XIAP: variants seen among roughly 807,000 people sequenced by gnomAD.
XIAP encodes X-linked inhibitor of apoptosis.
A neutral mutation model predicts 33.1 loss-of-function variants in XIAP; 3 were observed. The observed-to-expected ratio is 0.09, with a 90% CI of 0.04 to 0.23. XIAP has a LOEUF of 0.23. Ranked by LOEUF, XIAP falls within the 10% of genes least tolerant of loss-of-function variation. The pLI is 1.00. For missense variants in XIAP, 264 were observed against 363.0 expected, an observed-to-expected ratio of 0.73 and a Z score of 2.22; for synonymous variants, 98 against 121.3, an observed-to-expected ratio of 0.81 and a Z score of 1.26.
At chrX:123,893,455 G>A (rs2053427683) in intron 5 of XIAP, among the ~76,000 whole-genome samples, 1 of 110,860 alleles carries the variant, frequency 9.0e-6, no homozygotes, top group South Asian at 3.8e-4. Context: ...CTGAACCCAG[G>A]AGGTGGAGGT....
chrX:123,874,558 A>G (rs185743834), intron 1 of XIAP: 1 of 111,407 alleles, frequency 9.0e-6, no homozygotes, highest in East Asian at 2.8e-4. Context: ...TACATCCTGA[A>G]CATGAATTTT....
chrX:123,884,508 C>T (rs1050072650), intron 1 of XIAP, among the ~76,000 whole-genome samples: 1 of 110,247 alleles, frequency 9.1e-6, no homozygotes, highest in Non-Finnish European at 1.9e-5. Context: ...TCAATTAATG[C>T]ACGCATAATA....
Position 123,888,442 on chromosome X carries a change from A to AT in XIAP, c.878-174dup, listed in dbSNP as rs764933802. ...CATTGAATCAGTGAATTTAGTGTGT[A>AT]TTTCTTCCTCAAAGGATAAAAATCA... On this transcript the variant is annotated intron_variant, in intron 2 of 6. Transcript: ENST00000371199. Among the ~76,000 whole-genome samples the AT allele has an allele frequency of 9.8e-3, 1,105 of 112,536 alleles. 7 individuals are homozygous for AT. Among genetic ancestry groups the AT allele is most frequent in the Non-Finnish European group, 0.016 (865 of 53,316 alleles).
chrX:123,895,998 G>A (rs942721363), intron 5 of XIAP, among the ~76,000 whole-genome samples: 1 of 111,017 alleles, frequency 9.0e-6, no homozygotes, highest in East Asian at 2.8e-4. Flanking sequence ...CTGACCTCAG[G>A]TGATCCACCC....
At position 123,899,481 on chromosome X, in the gene XIAP, A is replaced by G. The variant is rs756933400; in HGVS notation, c.1100-1012A>G. 2.7e-4 allele frequency among the ~76,000 whole-genome samples: 29 copies of G among 107,929 alleles called. No homozygotes were observed. In the South Asian group the frequency reaches 3.5e-3, roughly 13 times the overall value. The allele number at this position is 107,929 out of a possible 115,157, so 93.7% of individuals were successfully genotyped here. A position where few individuals can be genotyped will look rare whatever the true frequency, so the allele number is the denominator to read the frequency against. On this transcript the variant is annotated intron_variant, in intron 5 of 6. Transcript: ENST00000371199. ...GTGACTATCCCCCAGATTAAGATAT[A>G]GAACATTCCCACAACCCTAGAAAGT... is the stretch of plus-strand genomic sequence containing the variant.
intron 5 of XIAP, among the ~76,000 whole-genome samples, chrX:123,897,384 A>T (rs1258225682): frequency 1.8e-5 from 2 of 111,700 alleles, no homozygotes; most frequent in Non-Finnish European, 3.8e-5. Context: ...TATATCTTAC[A>T]TTCTGGTCTT....
chrX:123,903,599 G>A (rs1376427566), intron 6 of XIAP, among the ~76,000 whole-genome samples: 1 of 103,057 alleles, frequency 9.7e-6, no homozygotes, highest in East Asian at 2.9e-4. Flanking sequence ...TTCTGGTCCA[G>A]TGTTTTGGGG....
chrX:123,883,502 T>C (rs1452789903), intron 1 of XIAP, among the ~76,000 whole-genome samples: 7 of 102,299 alleles, frequency 6.8e-5, no homozygotes, highest in Non-Finnish European at 1.4e-4. Flanking sequence ...TTTTCTTTTT[T>C]TTTTTTTTTT....
At position 123,888,487 on chromosome X, in the gene XIAP, A is replaced by T. The variant is rs900135261; in HGVS notation, c.878-132A>T. ...AAATCATATCTGTTACTTAGATGTG[A>T]ATTTGAATGTCTTGTTTTAAGCTGT... is the stretch of plus-strand genomic sequence containing the variant. On this transcript the variant is annotated intron_variant, in intron 2 of 6. Transcript: ENST00000371199. 8.4e-5 allele frequency: 48 copies of T among 571,920 alleles called. No individual in the cohort carries two copies. In the African/African-American group the frequency reaches 1.0e-3, roughly 12 times the overall value. 47.1% of individuals were successfully genotyped at this position (571,920 alleles called of 1,213,427 possible).
rs763207741 is a variant in XIAP, at chrX:123,909,911, C to T, written c.*2730C>T. On this transcript the variant is annotated 3_prime_UTR_variant, in exon 7 of 7. Coordinates refer to ENST00000371199, the MANE Select transcript of XIAP (RefSeq NM_001167.4). Reference sequence around the variant, plus strand: ...GCACCGGATCTTTTCCATCTAATTCCGCAAAAATTGATCATTTGCAAAGTC... The same window carrying T: ...GCACCGGATCTTTTCCATCTAATTCTGCAAAAATTGATCATTTGCAAAGTC... 4.3e-5 allele frequency: 14 copies of T among 327,859 alleles called. No individual in the cohort carries two copies. Among genetic ancestry groups the T allele is most frequent in the Admixed American group, 9.4e-5 (3 of 31,916 alleles). 27.0% of individuals were successfully genotyped at this position (327,859 alleles called of 1,213,427 possible).
intron 1 of XIAP, among the ~76,000 whole-genome samples, chrX:123,860,965 G>A (rs1384455307): frequency 1.8e-5 from 2 of 111,648 alleles, no homozygotes; most frequent in African/African-American, 6.5e-5. Flanking sequence ...ATATAATTAT[G>A]TCGCTAGTTC....
rs897880622 is a variant in XIAP, at chrX:123,909,278, G to A, written c.*2097G>A. On this transcript the variant is annotated 3_prime_UTR_variant, in exon 7 of 7. Transcript: ENST00000371199. ...ACTCCTGACCTCAAGAGATCCACTC[G>A]CCTTGCCCTCCCAAAGTGCTGGGAT... is the stretch of plus-strand genomic sequence containing the variant. 15 of 325,985 alleles carry A rather than the reference G, an allele frequency of 4.6e-5. No homozygotes were observed. The highest frequency in any genetic ancestry group is 1.9e-4 in the African/African-American group (7 of 37,398). The allele number at this position is 325,985 out of a possible 1,213,427, so 26.9% of individuals were successfully genotyped here.
chrX:123,901,231 A>G (rs2053511802), intron 6 of XIAP, among the ~76,000 whole-genome samples: 2 of 111,937 alleles, frequency 1.8e-5, no homozygotes, highest in Admixed American at 1.9e-4. Flanking sequence ...CAAAAAATAC[A>G]AAAATTAGCC....
Position 123,878,368 on chromosome X carries a change from C to G in XIAP, c.-32-7263C>G, listed in dbSNP as rs765342658. On this transcript the variant is annotated intron_variant, in intron 1 of 6. Coordinates refer to ENST00000371199, the MANE Select transcript of XIAP (RefSeq NM_001167.4). ...ACATTTTCATTACTCCAGAAACAAC[C>G]CCAGTAACCATTTGTAGTCACTTCC... is the stretch of plus-strand genomic sequence containing the variant. Among the ~76,000 whole-genome samples the G allele has an allele frequency of 3.6e-5, 4 of 111,680 alleles. No homozygotes were observed. The South Asian group carries it at 1.5e-3, about 41-fold the overall frequency.
Position 123,880,502 on chromosome X carries a change from C to T in XIAP, c.-32-5129C>T, listed in dbSNP as rs368889698. 1.5e-4 allele frequency among the ~76,000 whole-genome samples: 16 copies of T among 107,689 alleles called. No homozygotes were observed. The East Asian group carries it at 2.6e-3, about 18-fold the overall frequency. The allele number at this position is 107,689 out of a possible 115,157, so 93.5% of individuals were successfully genotyped here. A position where few individuals can be genotyped will look rare whatever the true frequency, so the allele number is the denominator to read the frequency against. On this transcript the variant is annotated intron_variant, in intron 1 of 6. Transcript: ENST00000371199. Reference sequence around the variant, plus strand: ...CTGTTATCCCAGCACTTTGGGAGTTCGAGGCAGGTGGATCACCTGAGATCA... The same window carrying T: ...CTGTTATCCCAGCACTTTGGGAGTTTGAGGCAGGTGGATCACCTGAGATCA...
rs1460883027 is a variant in XIAP, at chrX:123,910,729, G to A, written c.*3548G>A. ...CTAAAAAACAGAAAATTAGCCGGGC[G>A]TGGTGGCGGGCGCCTGTAGTCCCAG... On this transcript the variant is annotated 3_prime_UTR_variant, in exon 7 of 7. Coordinates refer to ENST00000371199, the MANE Select transcript of XIAP (RefSeq NM_001167.4). 2 of 280,478 alleles carry A rather than the reference G, an allele frequency of 7.1e-6. No individual in the cohort carries two copies. Among genetic ancestry groups the A allele is most frequent in the African/African-American group, 5.7e-5 (2 of 35,134 alleles). The allele number at this position is 280,478 out of a possible 1,213,427, so 23.1% of individuals were successfully genotyped here.
chrX:123,870,182 G>A (rs190345830), intron 1 of XIAP, among the ~76,000 whole-genome samples: 1 of 112,503 alleles, frequency 8.9e-6, no homozygotes, highest in African/African-American at 3.2e-5. Flanking sequence ...GGCTGGTCTC[G>A]AACTCCTGAC....
At chrX:123,888,390 A>G (rs2053373788) in intron 2 of XIAP, among the ~76,000 whole-genome samples, 1 of 112,414 alleles carries the variant, frequency 8.9e-6, no homozygotes, top group African/African-American at 3.2e-5. Context: ...GGGCAGTTTT[A>G]TTTTTGTCTT....
rs752917163 is a variant in XIAP at position 123,911,051 on chromosome X, A to G, written c.*3870A>G. The G allele has an allele frequency of 3.1e-6, 1 of 326,699 alleles. No homozygotes were observed. The highest frequency in any genetic ancestry group is 2.7e-5 in the African/African-American group (1 of 37,439). 26.9% of individuals were successfully genotyped at this position (326,699 alleles called of 1,213,427 possible). On this transcript the variant is annotated 3_prime_UTR_variant, in exon 7 of 7. Coordinates refer to ENST00000371199, the MANE Select transcript of XIAP (RefSeq NM_001167.4). ...ATGTAAAGTTCCTGCTGTAAATATG[A>G]ACTCCCATCCTAATACCCTTTTACC...
Sources: allele counts gnomAD v4.1 joint callset (sites outside exome capture counted in the v4.1 genomes callset), GRCh38; gene constraint gnomAD v4.1.1; transcripts MANE v1.5; gene names NCBI Gene and HGNC (gene_info 2026-07-23, HGNC 2026-07-21).